Variants in RYR3 observed in about 807,000 individuals in gnomAD.
RYR3 encodes ryanodine receptor 3.
Under a neutral mutation model 584.3 loss-of-function variants are expected in RYR3, and 207 were observed. That is an observed-to-expected ratio of 0.35 (90% CI 0.32 to 0.40). The LOEUF is 0.40. Among genes scored for constraint, RYR3 ranks in the 10% least tolerant of loss-of-function variants. The probability of loss-of-function intolerance (pLI) is 1.00; values close to 1 mark genes in which losing one functional copy is unlikely to be tolerated. For missense variants in RYR3, 5,616 were observed against 6,089.2 expected (o/e 0.92, Z 2.59); for synonymous variants, 2,416 against 2,248.5 (o/e 1.07, Z -2.11).
chr15:33,371,718 A>G (rs574445827), intron 1 of RYR3, among the ~76,000 whole-genome samples: 9 of 152,320 alleles, frequency 5.9e-5, no homozygotes, highest in African/African-American at 2.2e-4. Flanking sequence ...CTGGGAACCA[A>G]TGACTGATTC....
chr15:33,503,398 A>G (rs1323304576), intron 2 of RYR3, among the ~76,000 whole-genome samples: 1 of 152,142 alleles, frequency 6.6e-6, no homozygotes, highest in Non-Finnish European at 1.5e-5. Flanking sequence ...CCTTCCCTCA[A>G]GTCGATCCTG....
intron 1 of RYR3, among the ~76,000 whole-genome samples, chr15:33,431,190 A>G (rs1017043632): frequency 1.3e-5 from 2 of 152,222 alleles, no homozygotes; most frequent in African/African-American, 4.8e-5. Context: ...GGAGGTAAGC[A>G]TAAGATTATC....
At chr15:33,677,182 T>C (rs567894292) in intron 38 of RYR3, among the ~76,000 whole-genome samples, 27 of 152,278 alleles carry the variant, frequency 1.8e-4, no homozygotes, top group African/African-American at 6.0e-4. Flanking sequence ...ACCCACACTC[T>C]TTCCAGAGCA....
At chr15:33,508,484 C>T (rs1369418414) in intron 3 of RYR3, among the ~76,000 whole-genome samples, 1 of 151,930 alleles carries the variant, frequency 6.6e-6, no homozygotes, top group Non-Finnish European at 1.5e-5. Context: ...CCCATCTCTA[C>T]TAAAAATACA....
At chr15:33,764,144 A>G (rs895942349) in intron 60 of RYR3, among the ~76,000 whole-genome samples, 2 of 152,142 alleles carry the variant, frequency 1.3e-5, no homozygotes. Flanking sequence ...TTATTGCAGC[A>G]CTGTTCACAA....
At chr15:33,344,092 T>G (rs1972149140) in intron 1 of RYR3, among the ~76,000 whole-genome samples, 1 of 152,220 alleles carries the variant, frequency 6.6e-6, no homozygotes, top group South Asian at 2.1e-4. Context: ...TGTTGTTGCT[T>G]TTTACAAAGC....
At chr15:33,736,037 AT>A (rs2069431771) in intron 48 of RYR3, among the ~76,000 whole-genome samples, 197 bp from the exon 49 acceptor site, 1 of 152,194 alleles carries the variant, frequency 6.6e-6, no homozygotes, top group South Asian at 2.1e-4. Flanking sequence ...ATCCCAATTC[AT>A]TAGCACTCTT....
At chr15:33,785,478 C>G (rs2074648798) in intron 65 of RYR3, among the ~76,000 whole-genome samples, 184 bp from the exon 66 acceptor site, 1 of 152,160 alleles carries the variant, frequency 6.6e-6, no homozygotes, top group Non-Finnish European at 1.5e-5. Flanking sequence ...GATAATGCAG[C>G]CTCTGGAAGC....
At chr15:33,712,385 G>A (rs954817984) in intron 43 of RYR3, among the ~76,000 whole-genome samples, 1 of 152,180 alleles carries the variant, frequency 6.6e-6, no homozygotes, top group Non-Finnish European at 1.5e-5. Context: ...AAAAGGAACA[G>A]AGGTCACATT....
chr15:33,838,079 G>A lies in RYR3; in HGVS notation c.12099G>A (p.Glu4033=), dbSNP rs1567286544. Residue 4033 remains glutamate (E), a synonymous_variant, in exon 89 of 104, where the codon GAG becomes GAA. Coordinates refer to ENST00000634891, the MANE Select transcript of RYR3 (RefSeq NM_001036.6). ...NYFEPYLGRI[E]IMGGAKKIER... The stretch of plus-strand genomic sequence containing the variant: ...TCGAACCCTACCTAGGACGCATCGA[G>A]ATCATGGGTGGGGCCAAGAAGATTG... The A allele has an allele frequency of 6.2e-7, 1 of 1,614,006 alleles. No homozygotes were observed.
intron 3 of RYR3, among the ~76,000 whole-genome samples, chr15:33,505,145 A>G (rs1007086301): frequency 6.6e-5 from 10 of 152,208 alleles, no homozygotes; most frequent in Non-Finnish European, 1.5e-4. Context: ...TTTGTAATAG[A>G]AGAGACAATT....
chr15:33,524,991 A>G (rs2054286151), intron 3 of RYR3, among the ~76,000 whole-genome samples: 1 of 152,212 alleles, frequency 6.6e-6, no homozygotes, highest in African/African-American at 2.4e-5. Context: ...GCCTTTGAGT[A>G]TATCTGATGC....
chr15:33,574,204 C>T (rs921208985), intron 12 of RYR3, among the ~76,000 whole-genome samples: 3 of 152,174 alleles, frequency 2.0e-5, no homozygotes, highest in African/African-American at 7.2e-5. Flanking sequence ...ACAAAAATGT[C>T]TATAAACCTC....
At chr15:33,387,081 T>C (rs1205623207) in intron 1 of RYR3, among the ~76,000 whole-genome samples, 1 of 152,110 alleles carries the variant, frequency 6.6e-6, no homozygotes, top group Non-Finnish European at 1.5e-5. Flanking sequence ...ATGGTCTCGA[T>C]CTCCTGACCT....
chr15:33,845,311 G>A (rs1042682275), intron 93 of RYR3, among the ~76,000 whole-genome samples: 18 of 152,144 alleles, frequency 1.2e-4, no homozygotes, highest in African/African-American at 3.6e-4. Context: ...GGAGTGCAGT[G>A]GTGCAAGCTC....
At chr15:33,620,510 T>C (rs1470458075) in intron 19 of RYR3, among the ~76,000 whole-genome samples, 4 of 152,320 alleles carry the variant, frequency 2.6e-5, no homozygotes, top group African/African-American at 7.2e-5. Flanking sequence ...CTCTGAATTA[T>C]GGATTCATAT....
At chr15:33,671,940 A>T (rs1000860570) in intron 38 of RYR3, among the ~76,000 whole-genome samples, 16 of 150,244 alleles carry the variant, frequency 1.1e-4, no homozygotes, top group African/African-American at 3.9e-4. Flanking sequence ...CAGCCTCCCA[A>T]ATAGCTGGGA....
At chr15:33,368,274 G>T (rs74007938) in intron 1 of RYR3, among the ~76,000 whole-genome samples, 16,896 of 150,578 alleles carry the variant, frequency 0.11, 1,059 homozygotes, top group African/African-American at 0.16. Flanking sequence ...AGTAGATTCT[G>T]GGTCATCGCC....
At chr15:33,586,658 G>A (rs2058861529) in intron 16 of RYR3, among the ~76,000 whole-genome samples, 1 of 152,178 alleles carries the variant, frequency 6.6e-6, no homozygotes, top group South Asian at 2.1e-4. Flanking sequence ...AGCTATATGA[G>A]CTGGGGCCTC....
Sources: allele counts gnomAD v4.1 joint callset (sites outside exome capture counted in the v4.1 genomes callset), GRCh38; gene constraint gnomAD v4.1.1; transcripts MANE v1.5; gene names NCBI Gene and HGNC (gene_info 2026-07-23, HGNC 2026-07-21).